The following SUGCT variants were observed in gnomAD, a reference collection of about 807,000 sequenced individuals.
The protein encoded by SUGCT is succinyl-CoA:glutarate CoA-transferase.
In SUGCT, 41 loss-of-function variants were observed where a neutral mutation model predicts 55.0. The observed-to-expected ratio is 0.74, with a 90% confidence interval of 0.58 to 0.97. SUGCT has a LOEUF of 0.97. Ranked by LOEUF, SUGCT falls within the 50% of genes least tolerant of loss-of-function variation. SUGCT has a pLI of 0.00. For synonymous variants in SUGCT, 187 were observed against 200.4 expected (o/e 0.93, Z 0.56); for missense variants, 568 against 547.8 (o/e 1.04, Z -0.37).
At chr7:40,853,202 T>C (rs1036642951) in intron 13 of SUGCT, among the ~76,000 whole-genome samples, 2 of 152,128 alleles carry the variant, frequency 1.3e-5, no homozygotes, top group Admixed American at 1.3e-4. Context: ...TCCAAAATTA[T>C]ATGTAGAATA....
chr7:40,488,720 A>T (rs560026578), intron 11 of SUGCT, among the ~76,000 whole-genome samples: 1 of 152,128 alleles, frequency 6.6e-6, no homozygotes, highest in African/African-American at 2.4e-5. Context: ...TTTCTGAAGG[A>T]TAACATGCTG....
intron 12 of SUGCT, among the ~76,000 whole-genome samples, chr7:40,694,185 A>C (rs978145119): frequency 6.6e-6 from 1 of 150,642 alleles, no homozygotes; most frequent in South Asian, 2.1e-4. Context: ...CAAAGGCCCC[A>C]AGTGTGAATG....
chr7:40,706,459 T>C (rs891631903), intron 12 of SUGCT, among the ~76,000 whole-genome samples: 9 of 152,166 alleles, frequency 5.9e-5, no homozygotes, highest in East Asian at 1.9e-4. Context: ...TGAGCCAAGA[T>C]TGTGGCACTG....
intron 13 of SUGCT, among the ~76,000 whole-genome samples, chr7:40,811,500 T>C (rs1369519531): frequency 2.6e-5 from 4 of 152,128 alleles, no homozygotes; most frequent in African/African-American, 4.8e-5. Flanking sequence ...TTAGATGTAG[T>C]CTTGGGTATT....
At chr7:40,783,127 G>T (rs1789841195) in intron 13 of SUGCT, among the ~76,000 whole-genome samples, 1 of 152,190 alleles carries the variant, frequency 6.6e-6, no homozygotes, top group South Asian at 2.1e-4. Flanking sequence ...CACCCAGCCA[G>T]AAATGCAATG....
chr7:40,351,007 T>C (rs1012336799), intron 9 of SUGCT, among the ~76,000 whole-genome samples: 2 of 152,188 alleles, frequency 1.3e-5, no homozygotes, highest in African/African-American at 4.8e-5. Context: ...ATGGTGTATA[T>C]GTGCCATATT....
At chr7:40,585,963 A>G (rs1797354899) in intron 12 of SUGCT, among the ~76,000 whole-genome samples, 2 of 152,122 alleles carry the variant, frequency 1.3e-5, no homozygotes, top group Non-Finnish European at 1.5e-5. Context: ...TACAGGTGAG[A>G]GCCACTGTGC....
chr7:40,340,385 C>A (rs1289267854), intron 9 of SUGCT, among the ~76,000 whole-genome samples: 5 of 151,702 alleles, frequency 3.3e-5, no homozygotes, highest in Admixed American at 3.3e-4. Flanking sequence ...AAAAAAAAAA[C>A]CCTATCACAT....
At chr7:40,935,309 G>A in the SUGCT span, among the ~76,000 whole-genome samples, 1 of 151,924 alleles carries the variant, frequency 6.6e-6, no homozygotes, top group Non-Finnish European at 1.5e-5. Flanking sequence ...TTTTTAGTGT[G>A]TTTACAAAGT....
intron 6 of SUGCT, among the ~76,000 whole-genome samples, chr7:40,197,837 CA>C (rs1028067376): frequency 4.0e-5 from 6 of 151,572 alleles, no homozygotes; most frequent in Admixed American, 3.3e-4. Flanking sequence ...ATCATCGAGT[CA>C]AAAAAAATGT....
At chr7:40,195,371 C>T (rs889098141) in intron 6 of SUGCT, among the ~76,000 whole-genome samples, 23 of 151,720 alleles carry the variant, frequency 1.5e-4, no homozygotes, top group Admixed American at 2.0e-4. Context: ...ACCAGGCACG[C>T]GCCACCACGC....
the SUGCT span, among the ~76,000 whole-genome samples, chr7:40,939,139 C>A: frequency 6.6e-6 from 1 of 152,004 alleles, no homozygotes; most frequent in African/African-American, 2.4e-5. Flanking sequence ...GGAAGCCTCA[C>A]AATTATGGAG....
intron 3 of SUGCT, among the ~76,000 whole-genome samples, chr7:40,186,566 A>G (rs1326801723): frequency 2.0e-5 from 3 of 152,064 alleles, no homozygotes; most frequent in Admixed American, 6.6e-5. Flanking sequence ...GCCTGGTTGT[A>G]GTTTTCTGAT....
intron 12 of SUGCT, among the ~76,000 whole-genome samples, chr7:40,695,171 A>AT (rs2128655487): frequency 8.8e-6 from 1 of 114,074 alleles, no homozygotes; most frequent in South Asian, 2.8e-4. Context: ...CCTTATTTTT[A>AT]TTTATTTATT....
chr7:41,028,527 C>T, the SUGCT span, among the ~76,000 whole-genome samples: 13 of 152,158 alleles, frequency 8.5e-5, no homozygotes, highest in Non-Finnish European at 1.5e-4. Context: ...GGAGGCAGAG[C>T]CCACTACACA....
intron 12 of SUGCT, among the ~76,000 whole-genome samples, chr7:40,562,566 G>A (rs1284591512): frequency 6.6e-6 from 1 of 152,150 alleles, no homozygotes; most frequent in African/African-American, 2.4e-5. Flanking sequence ...GAATTTTGAT[G>A]AGGGACAGAA....
At chr7:40,731,501 A>G (rs1786886607) in intron 12 of SUGCT, among the ~76,000 whole-genome samples, 1 of 152,222 alleles carries the variant, frequency 6.6e-6, no homozygotes, top group Non-Finnish European at 1.5e-5. Flanking sequence ...CTTGAAAGAA[A>G]AACCCAAGAA....
intron 9 of SUGCT, among the ~76,000 whole-genome samples, chr7:40,393,014 GGT>G (rs1785526967): frequency 6.6e-6 from 1 of 152,126 alleles, no homozygotes; most frequent in Admixed American, 6.6e-5. Context: ...CATTGTCTTT[GGT>G]ATAGTCAAAT....
At chr7:40,658,576 C>T (rs550018674) in intron 12 of SUGCT, among the ~76,000 whole-genome samples, 6 of 152,084 alleles carry the variant, frequency 3.9e-5, no homozygotes, top group East Asian at 3.9e-4. Context: ...TGGTTACAGG[C>T]GGTAGGGGAA....
Sources: gnomAD v4.1 joint callset for allele counts (sites outside exome capture counted in the v4.1 genomes callset) on GRCh38, gnomAD v4.1.1 for gene constraint, MANE v1.5 for transcripts, NCBI Gene and HGNC (gene_info 2026-07-23, HGNC 2026-07-21) for gene names.